The following SLC22A3 variants were observed in gnomAD, a reference collection of about 807,000 sequenced individuals.
The protein encoded by SLC22A3 is solute carrier family 22 member 3.
Under a neutral mutation model 59.1 loss-of-function variants are expected in SLC22A3, and 51 were observed. The ratio of observed to expected loss-of-function variants is 0.86; its 90% confidence interval spans 0.69 to 1.09. SLC22A3 has a LOEUF of 1.09. SLC22A3 is among the 50% of genes least tolerant of loss of function. The pLI is 0.00. For missense variants in SLC22A3, 711 were observed against 726.3 expected, an observed-to-expected ratio of 0.98 and a Z score of 0.24; for synonymous variants, 325 against 292.0, an observed-to-expected ratio of 1.11 and a Z score of -1.15.
chr6:160,399,451 A>T (rs1786666455), intron 2 of SLC22A3, among the ~76,000 whole-genome samples: 1 of 152,130 alleles, frequency 6.6e-6, no homozygotes, highest in Non-Finnish European at 1.5e-5. Flanking sequence ...ATATCTCCAA[A>T]CTAAATTAAC....
intron 2 of SLC22A3, 62 bp from the exon 3 acceptor site, chr6:160,406,979 A>AT: frequency 6.4e-7 from 1 of 1,565,664 alleles, no homozygotes; most frequent in African/African-American, 1.4e-5. Context: ...TTTATGTTAT[A>AT]TTTTCCCATT....
chr6:160,368,958 C>A (rs900934813), intron 1 of SLC22A3, among the ~76,000 whole-genome samples: 2 of 152,186 alleles, frequency 1.3e-5, no homozygotes, highest in African/African-American at 4.8e-5. Context: ...ATGCTTCAGG[C>A]TTCTGATTCA....
rs1045430016 is a variant in SLC22A3, at chr6:160,408,253, T to A, written c.689-500T>A. On this transcript the variant is annotated intron_variant, in intron 3 of 10. Coordinates refer to ENST00000275300, the MANE Select transcript of SLC22A3 (RefSeq NM_021977.4). The stretch of plus-strand genomic sequence containing the variant: ...CCTGTCAATGAAAAGTATAACACTG[T>A]GGAGAGAATTATCATTTAATAGAAG... Among the ~76,000 whole-genome samples the A allele has an allele frequency of 9.2e-5, 14 of 152,314 alleles. No homozygotes were observed. The East Asian group carries it at 2.7e-3, about 29-fold the overall frequency.
chr6:160,349,945 G>T (rs1784605338), intron 1 of SLC22A3, among the ~76,000 whole-genome samples: 1 of 152,146 alleles, frequency 6.6e-6, no homozygotes, highest in African/African-American at 2.4e-5. Flanking sequence ...TGGATGAGGA[G>T]GTAGGAGCGC....
intron 2 of SLC22A3, among the ~76,000 whole-genome samples, chr6:160,406,709 C>T (rs1787027076): frequency 6.6e-6 from 1 of 152,216 alleles, no homozygotes. Context: ...ATTCCTTCTT[C>T]TTTCTGCCTC....
chr6:160,422,942 A>G (rs1175966247), intron 5 of SLC22A3, among the ~76,000 whole-genome samples: 1 of 151,950 alleles, frequency 6.6e-6, no homozygotes, highest in Non-Finnish European at 1.5e-5. Flanking sequence ...GTAACTCGTC[A>G]TTTACATTAG....
At chr6:160,373,954 TG>T (rs1311526655) in intron 1 of SLC22A3, among the ~76,000 whole-genome samples, 1 of 152,096 alleles carries the variant, frequency 6.6e-6, no homozygotes, top group Non-Finnish European at 1.5e-5. Context: ...TCCATAGGGG[TG>T]GGATTCACTG....
rs1291954031 is a variant in SLC22A3, at chr6:160,452,257, T to C, written c.*1201T>C. 1 of 152,170 alleles carries C rather than the reference T, an allele frequency of 6.6e-6. No individual in the cohort carries two copies. The highest frequency in any genetic ancestry group is 2.4e-5 in the African/African-American group (1 of 41,442). 9.4% of individuals were successfully genotyped at this position (152,170 alleles called of 1,614,324 possible). Reference sequence around the variant, plus strand: ...AAATACTTTATGCAAACAGGCAAAATTGGTACCAAAGGGAAACATTAACCA... The same window carrying C: ...AAATACTTTATGCAAACAGGCAAAACTGGTACCAAAGGGAAACATTAACCA... On this transcript the variant is annotated 3_prime_UTR_variant, in exon 11 of 11. Coordinates refer to ENST00000275300, the MANE Select transcript of SLC22A3 (RefSeq NM_021977.4).
Position 160,363,490 on chromosome 6 carries a change from C to T in SLC22A3, c.429+14642C>T, listed in dbSNP as rs952576423. On this transcript the variant is annotated intron_variant, in intron 1 of 10. Coordinates refer to ENST00000275300, the MANE Select transcript of SLC22A3 (RefSeq NM_021977.4). ...TGAGGCCTCAGGCTCCGGTTGTCACCCCTGGCAGGCGTGTGCCCAGCTTAG... is the reference window on the plus strand; with the variant it reads ...TGAGGCCTCAGGCTCCGGTTGTCACTCCTGGCAGGCGTGTGCCCAGCTTAG... Among the ~76,000 whole-genome samples, 9 of 152,260 alleles carry T rather than the reference C, an allele frequency of 5.9e-5. No individual in the cohort carries two copies. The South Asian group carries it at 1.9e-3, about 32-fold the overall frequency.
chr6:160,385,091 C>T (rs1020276968), intron 1 of SLC22A3, among the ~76,000 whole-genome samples: 8 of 152,208 alleles, frequency 5.3e-5, no homozygotes, highest in Admixed American at 2.0e-4. Context: ...GCAGGATGCT[C>T]CTTTTTCATG....
At chr6:160,367,437 C>T (rs1038784059) in intron 1 of SLC22A3, among the ~76,000 whole-genome samples, 22 of 152,158 alleles carry the variant, frequency 1.4e-4, no homozygotes, top group African/African-American at 5.1e-4. Context: ...AACCATATCA[C>T]GTGGTTTCTT....
At chr6:160,362,402 A>C (rs910997133) in intron 1 of SLC22A3, among the ~76,000 whole-genome samples, 2 of 152,126 alleles carry the variant, frequency 1.3e-5, no homozygotes, top group Non-Finnish European at 2.9e-5. Flanking sequence ...ACGTGTAGAA[A>C]ACCCTCTGCG....
chr6:160,412,260 G>A (rs1787283045), intron 5 of SLC22A3, among the ~76,000 whole-genome samples: 1 of 152,108 alleles, frequency 6.6e-6, no homozygotes, highest in African/African-American at 2.4e-5. Context: ...CTACTTGGGA[G>A]GCTGAGGCAG....
chr6:160,355,158 G>A (rs1784786473), intron 1 of SLC22A3, among the ~76,000 whole-genome samples: 1 of 152,230 alleles, frequency 6.6e-6, no homozygotes, highest in South Asian at 2.1e-4. Flanking sequence ...GAGACTGCTT[G>A]TTGCAGCTCT....
chr6:160,358,730 C>G (rs1438277520), intron 1 of SLC22A3, among the ~76,000 whole-genome samples: 1 of 152,258 alleles, frequency 6.6e-6, no homozygotes, highest in Non-Finnish European at 1.5e-5. Context: ...TTCCCTCCTT[C>G]TTGCTCTTTG....
At chr6:160,359,455 T>C (rs1174828103) in intron 1 of SLC22A3, among the ~76,000 whole-genome samples, 1 of 152,212 alleles carries the variant, frequency 6.6e-6, no homozygotes, top group Non-Finnish European at 1.5e-5. Flanking sequence ...CTTGTTTTCT[T>C]CCTTAATTAC....
Position 160,412,035 on chromosome 6 carries a change from C to T in SLC22A3, c.975+1189C>T, listed in dbSNP as rs576728242. ...CTTCATAGCATTCAGTTTGATTTCA[C>T]AGGAACCTTCTGATAAGAACGTTCT... On this transcript the variant is annotated intron_variant, in intron 5 of 10. Transcript: ENST00000275300. Among the ~76,000 whole-genome samples the T allele has an allele frequency of 4.6e-5, 7 of 152,196 alleles. No homozygotes were observed. The South Asian group carries it at 1.5e-3, about 32-fold the overall frequency.
Position 160,416,289 on chromosome 6 carries a change from A to G in SLC22A3, c.975+5443A>G, listed in dbSNP as rs140527281. On this transcript the variant is annotated intron_variant, in intron 5 of 10. Transcript: ENST00000275300. The stretch of plus-strand genomic sequence containing the variant: ...TCCCAAAATCAAAAACCAATGCAAA[A>G]CAGTGAAGTGGCTTGAGCTCCTAGG... Among the ~76,000 whole-genome samples the G allele has an allele frequency of 1.6e-3, 247 of 152,290 alleles. 2 individuals are homozygous for G. The Middle Eastern group carries it at 0.02, about 13-fold the overall frequency.
At chr6:160,356,382 A>G (rs976395513) in intron 1 of SLC22A3, among the ~76,000 whole-genome samples, 2 of 152,250 alleles carry the variant, frequency 1.3e-5, no homozygotes, top group African/African-American at 4.8e-5. Flanking sequence ...GACCTGGAAC[A>G]TGAAAGGGAC....
Sources: allele counts gnomAD v4.1 joint callset (sites outside exome capture counted in the v4.1 genomes callset), GRCh38; gene constraint gnomAD v4.1.1; transcripts MANE v1.5; gene names NCBI Gene and HGNC (gene_info 2026-07-23, HGNC 2026-07-21).